Variants in NPNT observed in about 807,000 individuals in gnomAD.
NPNT encodes preosteoblast EGF-like repeat protein with MAM domain.
A neutral mutation model predicts 68.6 loss-of-function variants in NPNT; 45 were observed. That is an observed-to-expected ratio of 0.66 (90% CI 0.52 to 0.84). The LOEUF is 0.84. Among genes scored for constraint, NPNT ranks in the 40% least tolerant of loss-of-function variants. The probability of loss-of-function intolerance (pLI) is 0.00; values close to 1 mark genes in which losing one functional copy is unlikely to be tolerated. For synonymous variants in NPNT, 233 were observed against 253.3 expected, an observed-to-expected ratio of 0.92 and a Z score of 0.76; for missense variants, 672 against 714.8, an observed-to-expected ratio of 0.94 and a Z score of 0.68.
chr4:105,914,112 A>G (rs1727595482), intron 2 of NPNT, among the ~76,000 whole-genome samples: 1 of 151,736 alleles, frequency 6.6e-6, no homozygotes. Flanking sequence ...AGTTAGGGAT[A>G]AAGATTTGAG....
intron 6 of NPNT, 150 bp from the exon 7 acceptor site, chr4:105,940,364 C>A: frequency 9.8e-7 from 1 of 1,018,520 alleles, no homozygotes; most frequent in Non-Finnish European, 1.5e-6. Context: ...AGTTCTCAGT[C>A]TACATGTAGT....
At chr4:105,895,899 C>G in intron 1 of NPNT, 176 bp downstream of exon 1, 1 of 603,722 alleles carries the variant, frequency 1.7e-6, no homozygotes, top group Non-Finnish European at 2.9e-6. Flanking sequence ...GAGTGCCCGC[C>G]CGAGGCGGAG....
intron 3 of NPNT, among the ~76,000 whole-genome samples, chr4:105,931,668 CAAAAAAA>C (rs59960189): frequency 0.013 from 1,344 of 99,930 alleles, 5 homozygotes; most frequent in Non-Finnish European, 0.017. Flanking sequence ...ACTAAAAATA[CAAAAAAA>C]AAAAAAAAAA....
chr4:105,929,147 T>G (rs950004937), intron 3 of NPNT, among the ~76,000 whole-genome samples: 2 of 147,892 alleles, frequency 1.4e-5, no homozygotes, highest in African/African-American at 4.9e-5. Context: ...TTCCCCTCCC[T>G]GTGTCCGTGT....
At position 105,903,194 on chromosome 4, in the gene NPNT, T is replaced by G. The variant is rs553038929; in HGVS notation, c.172+5193T>G. 3.3e-4 allele frequency among the ~76,000 whole-genome samples: 51 copies of G among 152,368 alleles called. 1 individual carries two copies. The South Asian group carries it at 0.01, about 31-fold the overall frequency. ...TGATATGCTTTAAAAAATGTAGGTGTCTTCTCCCTCACCTCCTGTGTGTAA... is the reference window on the plus strand; with the variant it reads ...TGATATGCTTTAAAAAATGTAGGTGGCTTCTCCCTCACCTCCTGTGTGTAA... On this transcript the variant is annotated intron_variant, in intron 2 of 11. Transcript: ENST00000379987.
intron 2 of NPNT, chr4:105,911,933 A>G (rs1727400462): frequency 2.5e-6 from 1 of 401,572 alleles, no homozygotes; most frequent in Non-Finnish European, 4.5e-6. Flanking sequence ...TTAAATTTAG[A>G]ATTTGGACTA....
intron 2 of NPNT, among the ~76,000 whole-genome samples, chr4:105,925,884 G>A (rs371898345): frequency 4.6e-5 from 7 of 152,282 alleles, no homozygotes; most frequent in African/African-American, 1.4e-4. Context: ...ATTTTTATCA[G>A]GCAGTTATGA....
At chr4:105,951,450 G>A (rs1035634611) in intron 8 of NPNT, among the ~76,000 whole-genome samples, 2 of 152,162 alleles carry the variant, frequency 1.3e-5, no homozygotes, top group African/African-American at 2.4e-5. Context: ...TACAGAGTCT[G>A]TGGCTAGTTC....
At chr4:105,927,492 T>C (rs1728781202) in intron 3 of NPNT, 64 bp downstream of exon 3, 1 of 945,400 alleles carries the variant, frequency 1.1e-6, no homozygotes, top group African/African-American at 1.6e-5. Context: ...AAATTAAAAA[T>C]ATTCTTATCT....
Position 105,895,630 on chromosome 4 carries a change from C to A in NPNT, c.-23C>A, listed in dbSNP as rs1452804060. The A allele has an allele frequency of 6.5e-7, 1 of 1,546,906 alleles. No individual in the cohort carries two copies. Among genetic ancestry groups the A allele is most frequent in the South Asian group, 1.2e-5 (1 of 83,834 alleles). ...CTGTTCCTCGCGCGCCACTGCGCTG[C>A]GCCCCAGGACCCGCTGCCCAACATG... On this transcript the variant is annotated 5_prime_UTR_variant, in exon 1 of 12. Coordinates refer to ENST00000379987, the MANE Select transcript of NPNT (RefSeq NM_001033047.3).
chr4:105,919,847 A>C (rs1376839639), intron 2 of NPNT, among the ~76,000 whole-genome samples: 3 of 152,010 alleles, frequency 2.0e-5, no homozygotes, highest in African/African-American at 7.2e-5. Context: ...ACTGAAAGGC[A>C]CCTTTTTTTC....
chr4:105,906,872 A>G (rs28508465), intron 2 of NPNT, among the ~76,000 whole-genome samples: 3,080 of 152,258 alleles, frequency 0.02, 105 homozygotes, highest in African/African-American at 0.069. Flanking sequence ...TGCTATATAC[A>G]TATTCATTTC....
intron 2 of NPNT, among the ~76,000 whole-genome samples, chr4:105,904,760 G>A (rs1726742227): frequency 6.6e-6 from 1 of 152,044 alleles, no homozygotes; most frequent in Admixed American, 6.5e-5. Context: ...TCGGCTCACT[G>A]CAACCTCCGC....
intron 2 of NPNT, among the ~76,000 whole-genome samples, chr4:105,918,317 A>G (rs982083547): frequency 6.6e-6 from 1 of 152,290 alleles, no homozygotes; most frequent in African/African-American, 2.4e-5. Context: ...AAACATAGAG[A>G]TTTTGGTTGC....
At chr4:105,967,560 G>A (rs1216046691) in intron 11 of NPNT, 116 bp downstream of exon 11, 3 of 1,117,482 alleles carry the variant, frequency 2.7e-6, no homozygotes, top group Non-Finnish European at 3.6e-6. Context: ...TAAAGGTTTG[G>A]GTTTTTTTCT....
Position 105,959,134 on chromosome 4 carries a change from C to A in NPNT, c.1345+8C>A, listed in dbSNP as rs973098552. 3.8e-6 allele frequency: 6 copies of A among 1,583,512 alleles called. No individual in the cohort carries two copies. The highest frequency in any genetic ancestry group is 1.7e-4 in the Middle Eastern group (1 of 6,040). On this transcript the variant is annotated splice_region_variant and intron_variant, in intron 10 of 11. Transcript: ENST00000379987. ...CAATCAGGGACCCAGCAGGTAAAAC[C>A]ATTTCATTTAACTTTTTCTGGTACA...
chr4:105,969,103 T>C lies in NPNT; in HGVS notation c.*113T>C, dbSNP rs1732393794. The C allele has an allele frequency of 4.4e-6, 3 of 683,398 alleles. No individual in the cohort carries two copies. Among genetic ancestry groups the C allele is most frequent in the Admixed American group, 5.6e-5 (2 of 35,914 alleles). The allele number at this position is 683,398 out of a possible 1,614,324, so 42.3% of individuals were successfully genotyped here. On this transcript the variant is annotated 3_prime_UTR_variant, in exon 12 of 12. Transcript: ENST00000379987. ...CCTAGGAGAAGAGTGGGTCAGTGGG[T>C]CAGAAGGAAGTCTATTTGGTGACCC...
intron 2 of NPNT, among the ~76,000 whole-genome samples, chr4:105,914,357 C>G (rs1727615149): frequency 7.5e-6 from 1 of 133,156 alleles, no homozygotes; most frequent in African/African-American, 2.9e-5. Context: ...TCTCCATTCT[C>G]TCTCTCTCTC....
At chr4:105,922,744 T>G (rs895912491) in intron 2 of NPNT, among the ~76,000 whole-genome samples, 7 of 152,156 alleles carry the variant, frequency 4.6e-5, no homozygotes, top group African/African-American at 1.7e-4. Flanking sequence ...TAGAGGTTAT[T>G]TTGAGGGCAC....
Sources: gnomAD v4.1 joint callset for allele counts (sites outside exome capture counted in the v4.1 genomes callset) on GRCh38, gnomAD v4.1.1 for gene constraint, MANE v1.5 for transcripts, NCBI Gene and HGNC (gene_info 2026-07-23, HGNC 2026-07-21) for gene names.